TTC1: variants seen among roughly 807,000 people sequenced by gnomAD.
TTC1 encodes tetratricopeptide repeat domain 1.
In TTC1, 31 loss-of-function variants were observed where a neutral mutation model predicts 37.6. That is an observed-to-expected ratio of 0.82 (90% CI 0.62 to 1.11). The LOEUF is 1.11. Ranked by LOEUF, TTC1 falls within the 50% of genes most tolerant of loss-of-function variation. The pLI is 0.00. For missense variants in TTC1, 351 were observed against 339.0 expected, an observed-to-expected ratio of 1.04 and a Z score of -0.28; for synonymous variants, 127 against 122.4, an observed-to-expected ratio of 1.04 and a Z score of -0.25.
At chr5:160,031,264 T>C (rs1294670974) in intron 2 of TTC1, among the ~76,000 whole-genome samples, 1 of 152,234 alleles carries the variant, frequency 6.6e-6, no homozygotes, top group Non-Finnish European at 1.5e-5. Context: ...TCTTTTTCAA[T>C]GTTTACTACT....
At chr5:160,037,781 G>GT (rs78532786) in intron 4 of TTC1, among the ~76,000 whole-genome samples, 5,505 of 144,170 alleles carry the variant, frequency 0.038, 116 homozygotes, top group Non-Finnish European at 0.05. Flanking sequence ...AATGAGAGTG[G>GT]TTTTTTTTTT....
intron 2 of TTC1, among the ~76,000 whole-genome samples, chr5:160,018,289 T>C (rs1036539945): frequency 6.6e-6 from 1 of 152,198 alleles, no homozygotes; most frequent in Non-Finnish European, 1.5e-5. Context: ...TAAATTTCTA[T>C]TATTTATAAA....
chr5:160,025,247 C>T lies in TTC1; in HGVS notation c.331-9893C>T, dbSNP rs181961539. Among the ~76,000 whole-genome samples, 215 of 152,286 alleles carry T rather than the reference C, an allele frequency of 1.4e-3. 2 individuals carry two copies. The highest frequency in any genetic ancestry group is 0.013 in the South Asian group (63 of 4,818). On this transcript the variant is annotated intron_variant, in intron 2 of 7. Transcript: ENST00000231238. ...TTGACCATGTTGGCCAGGCTGGTCT[C>T]GAACTCCTGACCTCAGGCAATCCAC...
At chr5:160,010,460 A>C in intron 1 of TTC1, 40 bp from the exon 2 acceptor site, 1 of 1,359,674 alleles carries the variant, frequency 7.4e-7, no homozygotes, top group Non-Finnish European at 1.0e-6. Context: ...TTAAAAATAC[A>C]AGCACCATTA....
At chr5:160,062,969 T>C in intron 7 of TTC1, among the ~76,000 whole-genome samples, 1 of 152,224 alleles carries the variant, frequency 6.6e-6, no homozygotes, top group East Asian at 1.9e-4. Context: ...GCTGTGCCGC[T>C]GCCTTGTGCA....
At chr5:160,032,384 T>C (rs1756926604) in intron 2 of TTC1, among the ~76,000 whole-genome samples, 1 of 152,230 alleles carries the variant, frequency 6.6e-6, no homozygotes, top group South Asian at 2.1e-4. Flanking sequence ...AAATAACTGT[T>C]AACTGAATTT....
intron 4 of TTC1, among the ~76,000 whole-genome samples, chr5:160,039,995 A>AT (rs1016420120): frequency 4.6e-5 from 7 of 152,228 alleles, no homozygotes; most frequent in African/African-American, 1.7e-4. Context: ...GAAATGTGTT[A>AT]TTAGGTGATT....
chr5:160,041,541 G>A (rs1561632858), intron 4 of TTC1, among the ~76,000 whole-genome samples: 3 of 151,966 alleles, frequency 2.0e-5, no homozygotes, highest in African/African-American at 7.3e-5. Flanking sequence ...TTGAACTCCT[G>A]ACCTCAGGTG....
intron 7 of TTC1, among the ~76,000 whole-genome samples, chr5:160,052,558 A>AAAC (rs1757430924): frequency 6.6e-6 from 1 of 150,942 alleles, no homozygotes; most frequent in Non-Finnish European, 1.5e-5. Flanking sequence ...CAAAAAAAAA[A>AAAC]AAAAAAAAAA....
intron 2 of TTC1, among the ~76,000 whole-genome samples, chr5:160,030,837 T>C (rs528682189): frequency 1.3e-5 from 2 of 152,288 alleles, no homozygotes; most frequent in African/African-American, 4.8e-5. Flanking sequence ...TTAAAAGGCA[T>C]TGTGGAGGTA....
At chr5:160,013,330 C>T (rs992423937) in intron 2 of TTC1, among the ~76,000 whole-genome samples, 5 of 151,788 alleles carry the variant, frequency 3.3e-5, no homozygotes, top group African/African-American at 1.2e-4. Flanking sequence ...GCTTTAATAG[C>T]TCATCAGAAA....
intron 1 of TTC1, among the ~76,000 whole-genome samples, 158 bp downstream of exon 1, chr5:160,009,351 T>C (rs1010328233): frequency 1.3e-5 from 2 of 152,358 alleles, no homozygotes; most frequent in Admixed American, 1.3e-4. Context: ...GACATTGCTG[T>C]GGAGGCGAAG....
chr5:160,015,027 C>T (rs1181746286), intron 2 of TTC1, among the ~76,000 whole-genome samples: 1 of 152,064 alleles, frequency 6.6e-6, no homozygotes, highest in East Asian at 1.9e-4. Context: ...TTTGATAACA[C>T]CTGAGTTCAT....
chr5:160,045,512 A>T (rs1280402704), intron 5 of TTC1, among the ~76,000 whole-genome samples: 20 of 42,828 alleles, frequency 4.7e-4, no homozygotes, highest in Admixed American at 9.9e-4. Context: ...ACACACACAC[A>T]CATACACACT....
At chr5:160,010,226 C>G (rs1381251337) in intron 1 of TTC1, among the ~76,000 whole-genome samples, 1 of 144,640 alleles carries the variant, frequency 6.9e-6, no homozygotes, top group Non-Finnish European at 1.5e-5. Flanking sequence ...CCACTGCACT[C>G]CAGCCTGGGC....
intron 7 of TTC1, among the ~76,000 whole-genome samples, chr5:160,055,047 A>G (rs1395842858): frequency 6.6e-6 from 1 of 152,128 alleles, no homozygotes; most frequent in East Asian, 1.9e-4. Flanking sequence ...GGTTCTTTGC[A>G]CATGAGTCAT....
intron 4 of TTC1, among the ~76,000 whole-genome samples, chr5:160,041,358 T>C (rs974573081): frequency 6.6e-6 from 1 of 151,024 alleles, no homozygotes; most frequent in Non-Finnish European, 1.5e-5. Flanking sequence ...TTGCCTAGGC[T>C]GTAGTACAAT....
At position 160,065,110 on chromosome 5, in the gene TTC1, G is replaced by T. The variant is rs372198214; in HGVS notation, c.*45G>T. 3 of 1,593,406 alleles carry T rather than the reference G, an allele frequency of 1.9e-6. No individual in the cohort carries two copies. Among genetic ancestry groups the T allele is most frequent in the South Asian group, 2.3e-5 (2 of 87,714 alleles). On this transcript the variant is annotated 3_prime_UTR_variant, in exon 8 of 8. Transcript: ENST00000231238. The stretch of plus-strand genomic sequence containing the variant: ...ACAAGCTGACTTGGAATTGTGTGCT[G>T]CTTGCTGTTAGCTAGGGGAAAGGCC...
intron 2 of TTC1, among the ~76,000 whole-genome samples, chr5:160,016,831 T>A (rs544034568): frequency 6.6e-6 from 1 of 152,314 alleles, no homozygotes; most frequent in South Asian, 2.1e-4. Context: ...CACAACCAAA[T>A]AATAGTAGCC....
Sources: gnomAD v4.1 joint callset for allele counts (sites outside exome capture counted in the v4.1 genomes callset) on GRCh38, gnomAD v4.1.1 for gene constraint, MANE v1.5 for transcripts, NCBI Gene and HGNC (gene_info 2026-07-23, HGNC 2026-07-21) for gene names.